The following SEMA3E variants were observed in gnomAD, a reference collection of about 807,000 sequenced individuals.
The protein encoded by SEMA3E is semaphorin 3E.
A neutral mutation model predicts 93.6 loss-of-function variants in SEMA3E; 49 were observed. The observed-to-expected ratio is 0.52, with a 90% CI of 0.42 to 0.66. The LOEUF (loss-of-function observed/expected upper bound fraction) is 0.66, where lower values mean the gene tolerates loss of function less well. Ranked by LOEUF, SEMA3E falls within the 30% of genes least tolerant of loss-of-function variation. The probability of loss-of-function intolerance (pLI) is 0.00; values close to 1 mark genes in which losing one functional copy is unlikely to be tolerated. For synonymous variants in SEMA3E, 363 were observed against 330.7 expected (o/e 1.10, Z -1.06); for missense variants, 906 against 964.8 (o/e 0.94, Z 0.81).
At chr7:83,547,813 G>C (rs1232903124) in intron 1 of SEMA3E, among the ~76,000 whole-genome samples, 2 of 152,100 alleles carry the variant, frequency 1.3e-5, no homozygotes, top group East Asian at 3.9e-4. Context: ...TTAACTGCCA[G>C]GTGAGGCAAG....
At chr7:83,392,948 A>C (rs1355170997) in intron 13 of SEMA3E, among the ~76,000 whole-genome samples, 1 of 151,040 alleles carries the variant, frequency 6.6e-6, no homozygotes, top group Non-Finnish European at 1.5e-5. Context: ...GGATGCCTGT[A>C]ATCTCAGCTA....
At chr7:83,555,918 T>C (rs1791878524) in intron 1 of SEMA3E, among the ~76,000 whole-genome samples, 1 of 152,158 alleles carries the variant, frequency 6.6e-6, no homozygotes, top group African/African-American at 2.4e-5. Flanking sequence ...GTCTATGTCA[T>C]ACCTCCAGCA....
intron 1 of SEMA3E, among the ~76,000 whole-genome samples, chr7:83,528,315 G>A (rs1438017770): frequency 2.0e-5 from 3 of 151,986 alleles, no homozygotes; most frequent in Admixed American, 6.6e-5. Flanking sequence ...TGTAGCAACC[G>A]ATATTTTCAT....
chr7:83,435,813 TATAC>T (rs527467884), intron 4 of SEMA3E, among the ~76,000 whole-genome samples: 2 of 152,204 alleles, frequency 1.3e-5, no homozygotes, highest in Non-Finnish European at 2.9e-5. Flanking sequence ...CCATGGTTAA[TATAC>T]TTAACTTCAT....
chr7:83,461,281 T>C (rs1167324789), intron 4 of SEMA3E, among the ~76,000 whole-genome samples: 2 of 152,156 alleles, frequency 1.3e-5, no homozygotes, highest in Non-Finnish European at 2.9e-5. Context: ...ACCCCAAGCA[T>C]TGCTGAGTCT....
chr7:83,574,694 G>GAC (rs1440160533), intron 1 of SEMA3E, among the ~76,000 whole-genome samples: 23 of 152,300 alleles, frequency 1.5e-4, no homozygotes, highest in African/African-American at 5.3e-4. Flanking sequence ...TGACCACTAA[G>GAC]TGAACAAGAC....
chr7:83,600,246 T>C (rs1173436742), intron 1 of SEMA3E, among the ~76,000 whole-genome samples: 4 of 152,178 alleles, frequency 2.6e-5, no homozygotes, highest in South Asian at 2.1e-4. Flanking sequence ...TGCTTCAAAG[T>C]CCATCTCAAA....
chr7:83,509,086 A>G (rs998399541), intron 1 of SEMA3E, among the ~76,000 whole-genome samples: 4 of 152,164 alleles, frequency 2.6e-5, no homozygotes, highest in African/African-American at 9.7e-5. Context: ...AAAGTTTTAC[A>G]ACTTTTATAT....
Position 83,490,127 on chromosome 7 carries a change from T to C in SEMA3E, c.263A>G (p.Asp88Gly). Residue 88 changes from aspartate to glycine, a missense_variant, in exon 2 of 17, where the codon GAC (aspartate) becomes GGC (glycine). Physicochemically the swap from Asp to Gly is moderately conservative, Grantham distance 94 (BLOSUM62 -1). Transcript: ENST00000643230. ...ATATTTCTATACCTCTTTATAGCCG[T>C]CACTGATTCTCTCCAAGCTGAGGGA... ...VYSLSLERIS[D>G]GYKEIHWPST... 6.2e-7 allele frequency: 1 copy of C among 1,612,848 alleles called. No individual in the cohort carries two copies. Among genetic ancestry groups the C allele is most frequent in the Non-Finnish European group, 8.5e-7 (1 of 1,179,300 alleles).
intron 1 of SEMA3E, among the ~76,000 whole-genome samples, chr7:83,599,393 T>G: frequency 6.6e-6 from 1 of 152,324 alleles, no homozygotes; most frequent in South Asian, 2.1e-4. Context: ...AGGAGAGAAG[T>G]AATTTGATCA....
chr7:83,477,388 C>T (rs1048105360), intron 2 of SEMA3E, among the ~76,000 whole-genome samples: 1 of 151,738 alleles, frequency 6.6e-6, no homozygotes, highest in Non-Finnish European at 1.5e-5. Context: ...AATTATAGAT[C>T]CTATAAATAT....
intron 15 of SEMA3E, among the ~76,000 whole-genome samples, chr7:83,386,164 C>A (rs1459712153): frequency 2.0e-5 from 3 of 152,102 alleles, no homozygotes; most frequent in Non-Finnish European, 4.4e-5. Flanking sequence ...CTAAACTTCC[C>A]TAAGATGAAG....
intron 1 of SEMA3E, among the ~76,000 whole-genome samples, chr7:83,613,144 A>C (rs966104949): frequency 2.6e-5 from 4 of 152,122 alleles, no homozygotes; most frequent in African/African-American, 9.7e-5. Flanking sequence ...AATAATTTCT[A>C]TTCGTATTTG....
intron 1 of SEMA3E, among the ~76,000 whole-genome samples, chr7:83,544,623 A>G (rs565535931): frequency 6.6e-6 from 1 of 152,282 alleles, no homozygotes; most frequent in African/African-American, 2.4e-5. Context: ...GATATGAATA[A>G]TATTTTCATT....
At chr7:83,560,481 C>T (rs1268350466) in intron 1 of SEMA3E, among the ~76,000 whole-genome samples, 1 of 151,956 alleles carries the variant, frequency 6.6e-6, no homozygotes, top group Non-Finnish European at 1.5e-5. Flanking sequence ...TATTCTTATC[C>T]ATAGAAATTC....
rs1486419123 is a variant in SEMA3E, at chr7:83,365,504, TA to T, written c.*2081del. 6.6e-6 allele frequency: 1 copy of T among 152,162 alleles called. No homozygotes were observed. 9.4% of individuals were successfully genotyped at this position (152,162 alleles called of 1,614,324 possible). A position where few individuals can be genotyped will look rare whatever the true frequency, so the allele number is the denominator to read the frequency against. On this transcript the variant is annotated 3_prime_UTR_variant, in exon 17 of 17. Coordinates refer to ENST00000643230, the MANE Select transcript of SEMA3E (RefSeq NM_012431.3). ...TTATGTAAAATGTTTCTTTTCTGGTTAATAGTCACTTTATTTTAATCAAACG... is the reference window on the plus strand; with the variant it reads ...TTATGTAAAATGTTTCTTTTCTGGTTATAGTCACTTTATTTTAATCAAACG...
intron 1 of SEMA3E, among the ~76,000 whole-genome samples, chr7:83,630,522 A>ATTCC (rs1322703319): frequency 6.6e-6 from 1 of 152,138 alleles, no homozygotes; most frequent in Non-Finnish European, 1.5e-5. Context: ...ACACAAATTC[A>ATTCC]TTTATGTAGA....
chr7:83,522,049 T>C (rs1367250676), intron 1 of SEMA3E, among the ~76,000 whole-genome samples: 1 of 152,134 alleles, frequency 6.6e-6, no homozygotes, highest in Non-Finnish European at 1.5e-5. Context: ...AAGATATTTA[T>C]ACAGAAGCAT....
intron 1 of SEMA3E, among the ~76,000 whole-genome samples, chr7:83,596,789 C>G (rs1052178666): frequency 6.6e-6 from 1 of 152,068 alleles, no homozygotes; most frequent in African/African-American, 2.4e-5. Flanking sequence ...GCATCTTAGA[C>G]CTTCCTATAT....
Sources: gnomAD v4.1 joint callset for allele counts (sites outside exome capture counted in the v4.1 genomes callset) on GRCh38, gnomAD v4.1.1 for gene constraint, MANE v1.5 for transcripts, NCBI Gene and HGNC (gene_info 2026-07-23, HGNC 2026-07-21) for gene names.